Variants in SUMF1 observed in about 807,000 individuals in gnomAD.
SUMF1 encodes the protein sulfatase modifying factor 1.
Under a neutral mutation model 47.6 loss-of-function variants are expected in SUMF1, and 48 were observed. The ratio of observed to expected loss-of-function variants is 1.01; its 90% CI spans 0.80 to 1.28. The LOEUF (loss-of-function observed/expected upper bound fraction) is 1.28, where lower values mean the gene tolerates loss of function less well. Ranked by LOEUF, SUMF1 falls within the 50% of genes most tolerant of loss-of-function variation. The pLI is 0.00. For synonymous variants in SUMF1, 230 were observed against 192.1 expected (o/e 1.20, Z -1.63); for missense variants, 571 against 485.4 (o/e 1.18, Z -1.66).
intron 8 of SUMF1, among the ~76,000 whole-genome samples, chr3:4,302,237 A>G (rs1697986465): frequency 6.6e-6 from 1 of 152,188 alleles, no homozygotes; most frequent in South Asian, 2.1e-4. Flanking sequence ...TTACTCTCAC[A>G]CATTTTAGGG....
intron 8 of SUMF1, among the ~76,000 whole-genome samples, chr3:4,070,047 A>G (rs533671362): frequency 6.6e-6 from 1 of 152,174 alleles, no homozygotes; most frequent in South Asian, 2.1e-4. Flanking sequence ...AGTCTCCACA[A>G]TCCTTTATCT....
intron 8 of SUMF1, among the ~76,000 whole-genome samples, chr3:4,122,339 G>A (rs770755226): frequency 7.2e-5 from 11 of 152,128 alleles, no homozygotes; most frequent in Non-Finnish European, 1.5e-4. Context: ...GAAATATTCG[G>A]AATAGGTAAA....
At chr3:4,232,480 G>T (rs939111802) in intron 8 of SUMF1, among the ~76,000 whole-genome samples, 35 of 151,996 alleles carry the variant, frequency 2.3e-4, no homozygotes, top group Non-Finnish European at 1.0e-4. Context: ...AGATTCCATA[G>T]AGAGACAAGC....
At chr3:4,456,257 T>C (rs974981517) in intron 1 of SUMF1, among the ~76,000 whole-genome samples, 3 of 152,110 alleles carry the variant, frequency 2.0e-5, no homozygotes, top group African/African-American at 7.2e-5. Context: ...GCTAACATTA[T>C]ACTCAATGGG....
intron 1 of SUMF1, among the ~76,000 whole-genome samples, chr3:4,462,729 G>T (rs1237556787): frequency 7.2e-5 from 11 of 152,174 alleles, no homozygotes; most frequent in Non-Finnish European, 1.2e-4. Flanking sequence ...AAAGGTTCAT[G>T]AGAAAGCTGG....
At chr3:4,296,572 C>T (rs1352861371) in intron 8 of SUMF1, among the ~76,000 whole-genome samples, 4 of 152,070 alleles carry the variant, frequency 2.6e-5, no homozygotes, top group Non-Finnish European at 5.9e-5. Flanking sequence ...AGGGGAACTG[C>T]CCTTTTATAA....
At chr3:4,214,861 C>A (rs771787241) in intron 8 of SUMF1, among the ~76,000 whole-genome samples, 1 of 152,074 alleles carries the variant, frequency 6.6e-6, no homozygotes, top group African/African-American at 2.4e-5. Flanking sequence ...CATCAAATCC[C>A]TGAATAGACC....
chr3:4,179,573 CCAAGAAG>C (rs1695046386), intron 8 of SUMF1, among the ~76,000 whole-genome samples: 1 of 151,750 alleles, frequency 6.6e-6, no homozygotes, highest in Admixed American at 6.6e-5. Context: ...GACCTAAAAC[CCAAGAAG>C]AAAAAAACCC....
chr3:4,046,547 A>G (rs1355982519), intron 9 of SUMF1, among the ~76,000 whole-genome samples: 1 of 152,114 alleles, frequency 6.6e-6, no homozygotes, highest in African/African-American at 2.4e-5. Flanking sequence ...TGTCACTAGC[A>G]CATATCCAGT....
At chr3:4,139,227 C>T (rs1251830738) in intron 8 of SUMF1, among the ~76,000 whole-genome samples, 1 of 151,948 alleles carries the variant, frequency 6.6e-6, no homozygotes, top group East Asian at 1.9e-4. Context: ...TTACTGACAT[C>T]ATTGACAAAA....
Position 4,426,173 on chromosome 3 carries a change from A to G in SUMF1, c.520-6027T>C, listed in dbSNP as rs186326195. Among the ~76,000 whole-genome samples, 192 of 152,306 alleles carry G rather than the reference A, an allele frequency of 1.3e-3. 2 individuals are homozygous for G. Among genetic ancestry groups the G allele is most frequent in the Non-Finnish European group, 1.9e-3 (131 of 68,024 alleles). Reference sequence around the variant, plus strand: ...ATACAGGAGGTATCCACATTCCTCAACCTCCAAACTTCAGAAAGCTTGGGC... The same window carrying G: ...ATACAGGAGGTATCCACATTCCTCAGCCTCCAAACTTCAGAAAGCTTGGGC... On this transcript the variant is annotated intron_variant, in intron 3 of 8. Transcript: ENST00000272902.
At chr3:4,094,319 G>T (rs1265520652) in intron 8 of SUMF1, among the ~76,000 whole-genome samples, 1 of 152,042 alleles carries the variant, frequency 6.6e-6, no homozygotes, top group Non-Finnish European at 1.5e-5. Context: ...AGGCACTGGA[G>T]ATAGAAAGAT....
intron 8 of SUMF1, among the ~76,000 whole-genome samples, chr3:4,156,532 T>C (rs1694456300): frequency 6.6e-6 from 1 of 151,626 alleles, no homozygotes; most frequent in Non-Finnish European, 1.5e-5. Context: ...TTGGTTTTAT[T>C]CAAACAGAAG....
chr3:4,437,842 G>A (rs965741031), intron 3 of SUMF1, among the ~76,000 whole-genome samples: 2 of 152,124 alleles, frequency 1.3e-5, no homozygotes, highest in African/African-American at 4.8e-5. Context: ...GGGAGACTGA[G>A]GCAGGAGAAT....
At chr3:4,303,867 A>T in intron 8 of SUMF1, 1 of 1,301,564 alleles carries the variant, frequency 7.7e-7, no homozygotes, top group Non-Finnish European at 1.0e-6. Flanking sequence ...TGTCTCTCAC[A>T]GGTAGGATAA....
chr3:4,402,057 A>T (rs1265392058), intron 7 of SUMF1, among the ~76,000 whole-genome samples: 1 of 152,216 alleles, frequency 6.6e-6, no homozygotes, highest in Non-Finnish European at 1.5e-5. Context: ...GCGCACACAC[A>T]CATGCTCCCC....
intron 6 of SUMF1, 93 bp from the exon 7 acceptor site, chr3:4,411,071 G>C (rs143398346): frequency 2.0e-6 from 2 of 1,014,060 alleles, no homozygotes; most frequent in East Asian, 4.8e-5. Flanking sequence ...TTTAATTTCA[G>C]AGTATGAATG....
intron 2 of SUMF1, among the ~76,000 whole-genome samples, chr3:4,450,364 T>A (rs1266398036): frequency 6.6e-6 from 1 of 152,156 alleles, no homozygotes; most frequent in Non-Finnish European, 1.5e-5. Flanking sequence ...TCTTACTAGA[T>A]GAAATTAACT....
chr3:4,158,246 T>A (rs1292218681), intron 8 of SUMF1, among the ~76,000 whole-genome samples: 1 of 151,718 alleles, frequency 6.6e-6, no homozygotes, highest in African/African-American at 2.4e-5. Context: ...AAATGTTTTG[T>A]ATAGTTTCCA....
Sources: allele counts gnomAD v4.1 joint callset (sites outside exome capture counted in the v4.1 genomes callset), GRCh38; gene constraint gnomAD v4.1.1; transcripts MANE v1.5; gene names NCBI Gene and HGNC (gene_info 2026-07-23, HGNC 2026-07-21).